Variants in MTA3 observed in about 807,000 individuals in gnomAD.
The protein encoded by MTA3 is metastasis-associated protein MTA3.
Under a neutral mutation model 83.5 loss-of-function variants are expected in MTA3, and 34 were observed. The ratio of observed to expected loss-of-function variants is 0.41; its 90% CI spans 0.31 to 0.54. The LOEUF is 0.54. MTA3 is among the 20% of genes least tolerant of loss of function. The pLI, the probability that MTA3 is intolerant of heterozygous loss-of-function variation, is 0.33. For missense variants in MTA3, 761 were observed against 726.4 expected, an observed-to-expected ratio of 1.05 and a Z score of -0.55; for synonymous variants, 303 against 252.7, an observed-to-expected ratio of 1.20 and a Z score of -1.89.
chr2:42,704,430 A>T, intron 12 of MTA3, 112 bp downstream of exon 12: 1 of 1,291,088 alleles, frequency 7.7e-7, no homozygotes, highest in Non-Finnish European at 1.1e-6. Flanking sequence ...AGGCACAAGC[A>T]TGTCTCCTCT....
At chr2:42,600,223 A>G (rs1452386782) in intron 3 of MTA3, among the ~76,000 whole-genome samples, 1 of 152,008 alleles carries the variant, frequency 6.6e-6, no homozygotes, top group African/African-American at 2.4e-5. Context: ...AAACAAAAAA[A>G]CTTGCTTGTG....
intron 9 of MTA3, among the ~76,000 whole-genome samples, chr2:42,687,182 C>G (rs1385272098): frequency 3.9e-5 from 6 of 152,150 alleles, no homozygotes. Flanking sequence ...TTCATCACCT[C>G]TCCCGTCAAG....
At chr2:42,637,596 A>G (rs1448544652) in intron 4 of MTA3, among the ~76,000 whole-genome samples, 1 of 152,228 alleles carries the variant, frequency 6.6e-6, no homozygotes, top group African/African-American at 2.4e-5. Flanking sequence ...TTTACTTCAT[A>G]AAATAATTCT....
At chr2:42,742,001 A>G (rs1417312427) in intron 16 of MTA3, among the ~76,000 whole-genome samples, 3 of 152,234 alleles carry the variant, frequency 2.0e-5, no homozygotes, top group African/African-American at 7.2e-5. Flanking sequence ...AAGCTTAATA[A>G]AACTACATAT....
At chr2:42,660,822 T>C (rs879329923) in intron 8 of MTA3, among the ~76,000 whole-genome samples, 2 of 152,250 alleles carry the variant, frequency 1.3e-5, no homozygotes, top group Non-Finnish European at 2.9e-5. Context: ...TTTGATAATG[T>C]AAGAACTCAT....
In MTA3 at chr2:42,734,430, T is replaced by C. The variant is rs1668465577; in HGVS notation, c.1759+11395T>C. ...TACTTTGTTTCTCTGTGTGTCTTTA[T>C]AGGTAAAGCGTGTTTCTTGTAGGCA... On this transcript the variant is annotated intron_variant, in intron 16 of 16. Transcript: ENST00000405094. 3.3e-5 allele frequency among the ~76,000 whole-genome samples: 5 copies of C among 151,408 alleles called. No homozygotes were observed. The South Asian group carries it at 1.0e-3, about 32-fold the overall frequency.
At chr2:42,636,523 C>G (rs1027616664) in intron 4 of MTA3, among the ~76,000 whole-genome samples, 8 of 151,724 alleles carry the variant, frequency 5.3e-5, no homozygotes, top group Admixed American at 2.0e-4. Flanking sequence ...GCCTGGGTGA[C>G]AGAGCTAGAC....
chr2:42,533,139 G>A (rs1676054584), intron 2 of MTA3: 1 of 148,978 alleles, frequency 6.7e-6, no homozygotes, highest in African/African-American at 2.5e-5. Context: ...CCAGGCTGGA[G>A]TGCAATGGCT....
intron 16 of MTA3, among the ~76,000 whole-genome samples, chr2:42,753,046 TC>T (rs1398320300): frequency 6.6e-6 from 1 of 151,828 alleles, no homozygotes; most frequent in African/African-American, 2.4e-5. Flanking sequence ...CCCCTCAGCC[TC>T]CTGAAGTAGC....
chr2:42,607,151 T>C (rs1683567348), intron 3 of MTA3, among the ~76,000 whole-genome samples: 1 of 150,638 alleles, frequency 6.6e-6, no homozygotes, highest in Non-Finnish European at 1.5e-5. Context: ...GAATGTTTCT[T>C]GAGGTTCACT....
At chr2:42,496,186 G>C (rs892714027) in intron 2 of MTA3, among the ~76,000 whole-genome samples, 1 of 152,166 alleles carries the variant, frequency 6.6e-6, no homozygotes, top group African/African-American at 2.4e-5. Context: ...TTTGAGCTTA[G>C]AAAACAAATT....
At chr2:42,515,457 T>C (rs907889692) in intron 2 of MTA3, among the ~76,000 whole-genome samples, 4 of 152,138 alleles carry the variant, frequency 2.6e-5, no homozygotes, top group African/African-American at 9.7e-5. Flanking sequence ...TAGCTGAGAT[T>C]ATAGGCATGT....
intron 16 of MTA3, among the ~76,000 whole-genome samples, chr2:42,748,674 C>T (rs1364750700): frequency 7.2e-5 from 11 of 152,056 alleles, no homozygotes; most frequent in Non-Finnish European, 1.5e-5. Context: ...CTGAATTATC[C>T]ATTAATCTAG....
chr2:42,725,745 G>A (rs12620658), intron 16 of MTA3, among the ~76,000 whole-genome samples: 82,989 of 152,016 alleles, frequency 0.55, 23,212 homozygotes, highest in Middle Eastern at 0.67. Flanking sequence ...CACTGACAGG[G>A]ACAGGACCGA....
chr2:42,513,768 A>G (rs1675005948), intron 2 of MTA3, among the ~76,000 whole-genome samples: 1 of 152,236 alleles, frequency 6.6e-6, no homozygotes, highest in Admixed American at 6.5e-5. Flanking sequence ...GGGACAGGGA[A>G]GTGCAGGACT....
chr2:42,720,090 G>T (rs1667294754), intron 15 of MTA3, among the ~76,000 whole-genome samples: 1 of 152,106 alleles, frequency 6.6e-6, no homozygotes, highest in African/African-American at 2.4e-5. Context: ...TTACCCAAAA[G>T]AATGTTCCAG....
chr2:42,531,380 A>G lies in MTA3; in HGVS notation c.-141+36126A>G, dbSNP rs115254562. Among the ~76,000 whole-genome samples the G allele has an allele frequency of 4.3e-3, 643 of 151,284 alleles. 6 individuals carry two copies. Among genetic ancestry groups the G allele is most frequent in the African/African-American group, 0.015 (614 of 41,270 alleles). ...AGCAATTCCAAACTAGTATGTAACT[A>G]TGTAACACACAAAGAGTGGATGCTT... is the stretch of plus-strand genomic sequence containing the variant. On this transcript the variant is annotated intron_variant, in intron 2 of 17. Transcript: ENST00000405592.
At position 42,599,784 on chromosome 2, in the gene MTA3, C is replaced by G. The variant is rs1041529801; in HGVS notation, c.191-9674C>G. On this transcript the variant is annotated intron_variant, in intron 3 of 16. Transcript: ENST00000405094. ...TCATTAAGGTATAATATGGTTGACT[C>G]ATTTGGTGGGTTTTTGTAGCTTAAG... Among the ~76,000 whole-genome samples the G allele has an allele frequency of 8.6e-5, 13 of 152,010 alleles. No individual in the cohort carries two copies. In the South Asian group the frequency reaches 2.5e-3, roughly 29 times the overall value.
chr2:42,499,420 C>T (rs1056128395), intron 2 of MTA3, among the ~76,000 whole-genome samples: 1 of 149,392 alleles, frequency 6.7e-6, no homozygotes, highest in Non-Finnish European at 1.5e-5. Context: ...CCCGCCTCGG[C>T]CTCCCAAAAT....
Sources: gnomAD v4.1 joint callset for allele counts (sites outside exome capture counted in the v4.1 genomes callset) on GRCh38, gnomAD v4.1.1 for gene constraint, MANE v1.5 for transcripts, NCBI Gene and HGNC (gene_info 2026-07-23, HGNC 2026-07-21) for gene names.